DOCK2: variants seen among roughly 807,000 people sequenced by gnomAD.
The protein encoded by DOCK2 is dedicator of cytokinesis protein 2.
A neutral mutation model predicts 248.9 loss-of-function variants in DOCK2; 87 were observed. The ratio of observed to expected loss-of-function variants is 0.35; its 90% CI spans 0.29 to 0.42. The LOEUF (loss-of-function observed/expected upper bound fraction) is 0.42, where lower values mean the gene tolerates loss of function less well. Ranked by LOEUF, DOCK2 falls within the 10% of genes least tolerant of loss-of-function variation. The pLI, the probability that DOCK2 is intolerant of heterozygous loss-of-function variation, is 1.00. For synonymous variants in DOCK2, 805 were observed against 821.6 expected, an observed-to-expected ratio of 0.98 and a Z score of 0.35; for missense variants, 1,747 against 2,300.2, an observed-to-expected ratio of 0.76 and a Z score of 4.92.
intron 6 of DOCK2, among the ~76,000 whole-genome samples, chr5:169,680,054 C>G (rs1204469040): frequency 6.6e-6 from 1 of 152,160 alleles, no homozygotes; most frequent in Non-Finnish European, 1.5e-5. Context: ...AAGGTTTCTG[C>G]AAACACACCC....
intron 27 of DOCK2, among the ~76,000 whole-genome samples, chr5:169,957,464 A>T (rs996552999): frequency 5.3e-5 from 8 of 152,344 alleles, no homozygotes; most frequent in African/African-American, 1.9e-4. Flanking sequence ...TCCTTTCCAC[A>T]GCCCTGTAAG....
intron 27 of DOCK2, among the ~76,000 whole-genome samples, chr5:169,925,698 C>T (rs78825433): frequency 0.017 from 2,477 of 145,646 alleles, 29 homozygotes; most frequent in South Asian, 0.07. Flanking sequence ...ATCTGTAGAA[C>T]GGAGTGACAA....
rs942454521 is a variant in DOCK2 at position 169,751,418 on chromosome 5, T to C, written c.2376+3914T>C. ...GTGACCGGAGTCTTGATTCTGAGCC[T>C]GCATGGGGTGTGAGCTATTAGTAAC... On this transcript the variant is annotated intron_variant, in intron 23 of 51. Coordinates refer to ENST00000520908, the MANE Select transcript of DOCK2 (RefSeq NM_004946.3). 2.6e-5 allele frequency among the ~76,000 whole-genome samples: 4 copies of C among 152,342 alleles called. No homozygotes were observed. The East Asian group carries it at 7.7e-4, about 29-fold the overall frequency.
At chr5:169,841,755 T>G (rs1343903831) in intron 27 of DOCK2, among the ~76,000 whole-genome samples, 2 of 152,236 alleles carry the variant, frequency 1.3e-5, no homozygotes, top group Non-Finnish European at 2.9e-5. Context: ...AAGTCATACC[T>G]TACTTCTTTA....
intron 27 of DOCK2, among the ~76,000 whole-genome samples, chr5:169,979,857 G>T (rs1389751962): frequency 6.6e-6 from 1 of 152,044 alleles, no homozygotes; most frequent in Non-Finnish European, 1.5e-5. Context: ...AAAGATAATG[G>T]TTTTTTTCAT....
chr5:170,056,616 C>A lies in DOCK2; in HGVS notation c.4296-68C>A, dbSNP rs1757140400. 22 of 1,329,160 alleles carry A rather than the reference C, an allele frequency of 1.7e-5. No homozygotes were observed. In the South Asian group the frequency reaches 2.3e-4, roughly 14 times the overall value. 82.3% of individuals were successfully genotyped at this position (1,329,160 alleles called of 1,614,324 possible). A position where few individuals can be genotyped will look rare whatever the true frequency, so the allele number is the denominator to read the frequency against. ...CTGTAATGAACCTCCCTGGACAGTG[C>A]AGGGTCAGATCGGGTGTCAGCAGCC... On this transcript the variant is annotated intron_variant, in intron 42 of 51. Transcript: ENST00000520908.
chr5:170,000,114 A>C (rs150020413), intron 30 of DOCK2: 1 of 152,390 alleles, frequency 6.6e-6, no homozygotes, highest in African/African-American at 2.4e-5. Flanking sequence ...AATTCAAATC[A>C]GCAGGTATTT....
rs182113710 is a variant in DOCK2 at position 169,682,619 on chromosome 5, T to C, written c.606+740T>C. Among the ~76,000 whole-genome samples, 215 of 152,358 alleles carry C rather than the reference T, an allele frequency of 1.4e-3. 1 individual carries two copies. The highest frequency in any genetic ancestry group is 5.0e-3 in the African/African-American group (206 of 41,584). ...TGACTTTTATTTAAAAAAATTATTT[T>C]AGCTACTCTGTGTTATTTGAAAGCA... On this transcript the variant is annotated intron_variant, in intron 7 of 51. Coordinates refer to ENST00000520908, the MANE Select transcript of DOCK2 (RefSeq NM_004946.3).
intron 27 of DOCK2, chr5:169,934,546 G>A (rs1038050479): frequency 3.4e-5 from 15 of 435,746 alleles, no homozygotes; most frequent in East Asian, 2.1e-4. Flanking sequence ...AATTGTATGC[G>A]CTACATTCAC....
chr5:170,018,755 G>T (rs1755620189), intron 32 of DOCK2, among the ~76,000 whole-genome samples: 1 of 152,216 alleles, frequency 6.6e-6, no homozygotes, highest in Non-Finnish European at 1.5e-5. Flanking sequence ...AATCGGGCTT[G>T]TTTTGGATAA....
chr5:169,761,141 C>T (rs544230379), intron 24 of DOCK2, among the ~76,000 whole-genome samples: 1 of 152,308 alleles, frequency 6.6e-6, no homozygotes, highest in Admixed American at 6.5e-5. Context: ...AACTTCCTAG[C>T]TGCATAACCT....
chr5:170,036,969 G>C (rs550751279), intron 36 of DOCK2, among the ~76,000 whole-genome samples: 1 of 152,286 alleles, frequency 6.6e-6, no homozygotes, highest in South Asian at 2.1e-4. Context: ...CATGATATCT[G>C]CATCCTTGTA....
At chr5:169,728,740 A>G (rs1217068406) in intron 22 of DOCK2, among the ~76,000 whole-genome samples, 1 of 152,178 alleles carries the variant, frequency 6.6e-6, no homozygotes, top group Non-Finnish European at 1.5e-5. Flanking sequence ...AATTACCTAC[A>G]TTTGGATTGC....
rs979020225 is a variant in DOCK2, at chr5:169,864,481, G to A, written c.2799+23629G>A. 4.0e-6 allele frequency: 6 copies of A among 1,493,260 alleles called. No individual in the cohort carries two copies. In the South Asian group the frequency reaches 5.3e-5, roughly 13 times the overall value. 92.5% of individuals were successfully genotyped at this position (1,493,260 alleles called of 1,614,324 possible). The stretch of plus-strand genomic sequence containing the variant: ...TACACTGAAAAACACAGAGAGGAAG[G>A]AAGGAAAGTGAATTCGAATCAGCAC... On this transcript the variant is annotated intron_variant, in intron 27 of 51. Coordinates refer to ENST00000520908, the MANE Select transcript of DOCK2 (RefSeq NM_004946.3).
At chr5:169,796,947 T>TG (rs1190585582) in intron 25 of DOCK2, among the ~76,000 whole-genome samples, 1 of 152,100 alleles carries the variant, frequency 6.6e-6, no homozygotes, top group African/African-American at 2.4e-5. Flanking sequence ...GCCAGAGAGT[T>TG]GAAAAAACTC....
chr5:169,718,408 C>T (rs1157687772), intron 21 of DOCK2, among the ~76,000 whole-genome samples: 1 of 152,092 alleles, frequency 6.6e-6, no homozygotes, highest in African/African-American at 2.4e-5. Flanking sequence ...GTGACTAGTT[C>T]TCCTAGTCAA....
intron 1 of DOCK2, among the ~76,000 whole-genome samples, chr5:169,649,605 T>TA (rs1434893264): frequency 6.6e-6 from 1 of 152,208 alleles, no homozygotes; most frequent in Admixed American, 6.5e-5. Context: ...GTATGTGTAA[T>TA]AGAGTGTGAT....
chr5:169,719,521 GA>G (rs1292743979), intron 22 of DOCK2, among the ~76,000 whole-genome samples: 3 of 152,230 alleles, frequency 2.0e-5, no homozygotes, highest in African/African-American at 7.2e-5. Flanking sequence ...GACTTAGGGA[GA>G]AATGAGACTT....
At chr5:169,768,159 C>T (rs143015224) in intron 25 of DOCK2, among the ~76,000 whole-genome samples, 1 of 152,242 alleles carries the variant, frequency 6.6e-6, no homozygotes, top group African/African-American at 2.4e-5. Context: ...ACCCACGGTC[C>T]GTTGGCCAGA....
Sources: gnomAD v4.1 joint callset for allele counts (sites outside exome capture counted in the v4.1 genomes callset) on GRCh38, gnomAD v4.1.1 for gene constraint, MANE v1.5 for transcripts, NCBI Gene and HGNC (gene_info 2026-07-23, HGNC 2026-07-21) for gene names.